The following STXBP5L variants were observed in gnomAD, a reference collection of about 807,000 sequenced individuals.
STXBP5L encodes syntaxin-binding protein 5-like.
A neutral mutation model predicts 144.5 loss-of-function variants in STXBP5L; 65 were observed. The ratio of observed to expected loss-of-function variants is 0.45; its 90% CI spans 0.37 to 0.55. STXBP5L has a LOEUF of 0.55. STXBP5L is among the 20% of genes least tolerant of loss of function. STXBP5L has a pLI of 0.00. For synonymous variants in STXBP5L, 505 were observed against 469.6 expected (o/e 1.08, Z -0.97); for missense variants, 1,298 against 1,405.5 (o/e 0.92, Z 1.22).
In STXBP5L at chr3:121,037,263, T is replaced by C. The variant is rs371182290; in HGVS notation, c.288-4437T>C. ...TTTTTCTGTCTTTTTCTTTTCTTTT[T>C]TTTTTGAAAGGCTCTACTCTGTCAT... On this transcript the variant is annotated intron_variant, in intron 3 of 26. Coordinates refer to ENST00000471454, the MANE Select transcript of STXBP5L (RefSeq NM_001308330.2). Among the ~76,000 whole-genome samples, 47 of 151,970 alleles carry C rather than the reference T, an allele frequency of 3.1e-4. 2 individuals are homozygous for C. In the East Asian group the frequency reaches 7.9e-3, roughly 26 times the overall value.
At position 121,205,978 on chromosome 3, in the gene STXBP5L, A is replaced by G; in HGVS notation, c.933A>G (p.Val311=). ...AATCTTGTAAACCAATTCTTAAAGT[A>G]GAATACAAGACCTGCAAAAACAGGT... The part of the protein sequence containing the change: ...KSESCKPILK[V]EYKTCKNSEP... The change falls in exon 10 of 27, where the codon GTA becomes GTG. Residue 311 remains valine, a synonymous_variant. Coordinates refer to ENST00000471454, the MANE Select transcript of STXBP5L (RefSeq NM_001308330.2). The G allele has an allele frequency of 6.6e-7, 1 of 1,516,870 alleles. No homozygotes were observed. Among genetic ancestry groups the G allele is most frequent in the Non-Finnish European group, 8.8e-7 (1 of 1,138,230 alleles). The allele number at this position is 1,516,870 out of a possible 1,614,324, so 94.0% of individuals were successfully genotyped here.
intron 9 of STXBP5L, among the ~76,000 whole-genome samples, chr3:121,201,844 C>T (rs1353344195): frequency 1.3e-5 from 2 of 152,138 alleles, no homozygotes; most frequent in Admixed American, 6.6e-5. Flanking sequence ...TATTGGCCCC[C>T]TCCTGGGTTC....
At chr3:121,318,604 T>C in intron 20 of STXBP5L, 64 bp downstream of exon 20, 1 of 1,136,120 alleles carries the variant, frequency 8.8e-7, no homozygotes, top group South Asian at 2.0e-5. Context: ...TGCTTTATTT[T>C]CATGATCTTT....
intron 9 of STXBP5L, among the ~76,000 whole-genome samples, chr3:121,195,868 GC>G (rs1187871957): frequency 6.6e-6 from 1 of 152,158 alleles, no homozygotes; most frequent in Non-Finnish European, 1.5e-5. Flanking sequence ...CCCTGGCCCT[GC>G]CCCCTGGGAC....
At chr3:120,998,334 T>G (rs1160349803) in intron 3 of STXBP5L, among the ~76,000 whole-genome samples, 3 of 152,164 alleles carry the variant, frequency 2.0e-5, no homozygotes, top group Non-Finnish European at 4.4e-5. Context: ...CAGGAAACCC[T>G]GTAATCTGTG....
intron 9 of STXBP5L, among the ~76,000 whole-genome samples, chr3:121,181,251 G>T (rs1044603748): frequency 6.7e-6 from 1 of 149,504 alleles, no homozygotes; most frequent in African/African-American, 2.5e-5. Context: ...GGGAGGTGGA[G>T]GTATCAGTTA....
At chr3:121,097,168 A>G (rs1474385078) in intron 5 of STXBP5L, among the ~76,000 whole-genome samples, 1 of 152,096 alleles carries the variant, frequency 6.6e-6, no homozygotes, top group Non-Finnish European at 1.5e-5. Flanking sequence ...CCAGTGGTGG[A>G]TGCCCCTCCC....
At chr3:121,166,194 A>G (rs1414539619) in intron 9 of STXBP5L, among the ~76,000 whole-genome samples, 1 of 151,954 alleles carries the variant, frequency 6.6e-6, no homozygotes, top group Non-Finnish European at 1.5e-5. Context: ...TTTTGTAGAC[A>G]CAGGTTTTCG....
intron 22 of STXBP5L, among the ~76,000 whole-genome samples, chr3:121,392,001 C>T (rs1187071746): frequency 2.6e-5 from 4 of 152,172 alleles, no homozygotes; most frequent in Non-Finnish European, 5.9e-5. Flanking sequence ...CAGCTATGCC[C>T]TGCCCACAGA....
chr3:121,409,340 TAAAAC>T (rs1488074998), intron 23 of STXBP5L, among the ~76,000 whole-genome samples: 1 of 151,610 alleles, frequency 6.6e-6, no homozygotes, highest in Non-Finnish European at 1.5e-5. Flanking sequence ...AGAAGAATAT[TAAAAC>T]AAAAGAGGTT....
chr3:120,995,789 G>C (rs751151119), intron 3 of STXBP5L, among the ~76,000 whole-genome samples: 5 of 151,966 alleles, frequency 3.3e-5, no homozygotes, highest in Non-Finnish European at 5.9e-5. Flanking sequence ...TATGACTTAC[G>C]AAACTAATAA....
chr3:121,122,321 G>A (rs2044504273), intron 7 of STXBP5L, among the ~76,000 whole-genome samples: 1 of 150,868 alleles, frequency 6.6e-6, no homozygotes, highest in East Asian at 1.9e-4. Flanking sequence ...AAACCTGAAA[G>A]GCAAGTCCAC....
intron 2 of STXBP5L, among the ~76,000 whole-genome samples, chr3:120,942,299 A>G (rs1710605531): frequency 6.6e-6 from 1 of 151,682 alleles, no homozygotes; most frequent in South Asian, 2.1e-4. Context: ...GAAATTGATG[A>G]CATCGGCTCT....
At chr3:121,145,695 A>G (rs1282318945) in intron 7 of STXBP5L, among the ~76,000 whole-genome samples, 1 of 152,058 alleles carries the variant, frequency 6.6e-6, no homozygotes, top group Non-Finnish European at 1.5e-5. Flanking sequence ...TAATATATTG[A>G]GAATTATGAT....
chr3:121,114,990 C>A lies in STXBP5L; in HGVS notation c.536C>A (p.Thr179Lys). 1 of 1,601,088 alleles carries A rather than the reference C, an allele frequency of 6.2e-7. No homozygotes were observed. Among genetic ancestry groups the A allele is most frequent in the Non-Finnish European group, 8.5e-7 (1 of 1,174,730 alleles). ...TATGTTGGAACAGAAAGAGGAAATA[C>A]ACATATTGTAAATATTGAATCTTTC... ...WLYVGTERGNTHIVNIESFIL... is the reference protein window; with the variant it reads ...WLYVGTERGNKHIVNIESFIL... The change falls in exon 6 of 27, where the codon ACA becomes AAA. Residue 179 changes from threonine to lysine, a missense_variant. Thr to Lys is a moderately conservative substitution (Grantham distance 78). Transcript: ENST00000471454.
At chr3:121,087,702 A>G (rs1167753525) in intron 5 of STXBP5L, among the ~76,000 whole-genome samples, 1 of 151,324 alleles carries the variant, frequency 6.6e-6, no homozygotes, top group African/African-American at 2.4e-5. Context: ...TCTCCATTTT[A>G]TTTTTTGTTT....
chr3:121,209,773 C>T (rs550192931), intron 10 of STXBP5L, among the ~76,000 whole-genome samples: 2,503 of 152,192 alleles, frequency 0.016, 61 homozygotes, highest in African/African-American at 0.056. Flanking sequence ...CATCCTTTTT[C>T]ATGGCTGCAT....
chr3:121,004,037 T>C (rs1944030340), intron 3 of STXBP5L, among the ~76,000 whole-genome samples: 1 of 152,080 alleles, frequency 6.6e-6, no homozygotes, highest in African/African-American at 2.4e-5. Context: ...ATGCAGGCTC[T>C]TTTTTGGTTC....
chr3:121,194,142 C>T (rs1317857714), intron 9 of STXBP5L, among the ~76,000 whole-genome samples: 1 of 152,016 alleles, frequency 6.6e-6, no homozygotes. Flanking sequence ...ACGATATTTT[C>T]ATTACTCTAA....
Sources: gnomAD v4.1 joint callset for allele counts (sites outside exome capture counted in the v4.1 genomes callset) on GRCh38, gnomAD v4.1.1 for gene constraint, MANE v1.5 for transcripts, NCBI Gene and HGNC (gene_info 2026-07-23, HGNC 2026-07-21) for gene names.